Variants in GPR33 observed in about 807,000 individuals in gnomAD.
GPR33 encodes probable G protein-coupled receptor 33.
A neutral mutation model predicts 3.1 loss-of-function variants in GPR33; 4 were observed. The observed-to-expected ratio is 1.29, with a 90% CI of 0.64 to 2.96. The LOEUF (loss-of-function observed/expected upper bound fraction) is 2.96, where lower values mean the gene tolerates loss of function less well. Among genes scored for constraint, GPR33 ranks in the 30% most tolerant of loss-of-function variants. The pLI, the probability that GPR33 is intolerant of heterozygous loss-of-function variation, is 0.01. For synonymous variants in GPR33, 138 were observed against 142.0 expected, an observed-to-expected ratio of 0.97 and a Z score of 0.20; for missense variants, 390 against 388.9, an observed-to-expected ratio of 1.00 and a Z score of -0.02.
Position 31,483,286 on chromosome 14 carries a change from C to T in GPR33, c.680G>A (p.Arg227Lys), listed in dbSNP as rs1486742481. The T allele has an allele frequency of 6.5e-7, 1 of 1,536,150 alleles. No individual in the cohort carries two copies. The highest frequency in any genetic ancestry group is 1.2e-5 in the South Asian group (1 of 84,054). Residue 227 changes from arginine (R) to lysine (K), a missense_variant, in exon 2 of 2, where the codon AGA (arginine) becomes AAA (lysine). Arg to Lys is a conservative substitution (Grantham distance 26, BLOSUM62 2). Transcript: ENST00000399285. The stretch of plus-strand genomic sequence containing the variant: ...CCTCTCTTTCACCTTGCTGGCTACT[C>T]TTTCATAACAAAAGATGATGATGAA... ...PFFIIIFCYERVASKVKERSL... is the reference protein window; with the variant it reads ...PFFIIIFCYEKVASKVKERSL...
rs1375134293 is a variant in GPR33 at position 31,483,629 on chromosome 14, A to G, written c.337T>C (p.Phe113Leu). The change falls in exon 2 of 2, where the codon TTC becomes CTC. Residue 113 changes from phenylalanine to leucine, a missense_variant. Physicochemically the swap from Phe to Leu is conservative, Grantham distance 22. Transcript: ENST00000399285. Reference sequence around the variant, plus strand: ...GCCGAAAGGAAGAAAACAGAGGTGAACATCCCCAGAGACAAAGTGCCATTG... The same window carrying G: ...GCCGAAAGGAAGAAAACAGAGGTGAGCATCCCCAGAGACAAAGTGCCATTG... Reference protein sequence around the residue: ...VFNGTLSLGMFTSVFFLSAIG... With the variant: ...VFNGTLSLGMLTSVFFLSAIG... 8 of 1,536,076 alleles carry G rather than the reference A, an allele frequency of 5.2e-6. No individual in the cohort carries two copies. Among genetic ancestry groups the G allele is most frequent in the Non-Finnish European group, 6.1e-6 (7 of 1,146,932 alleles).
chr14:31,485,502 T>C (rs958396453), intron 1 of GPR33, among the ~76,000 whole-genome samples: 2 of 151,256 alleles, frequency 1.3e-5, no homozygotes, highest in African/African-American at 4.9e-5. Flanking sequence ...GGTGTGGTGG[T>C]GTGTGCTTGT....
chr14:31,484,900 TC>T (rs1221186710), intron 1 of GPR33, among the ~76,000 whole-genome samples: 2 of 152,020 alleles, frequency 1.3e-5, no homozygotes, highest in Non-Finnish European at 2.9e-5. Context: ...ACCTTCAGAA[TC>T]ATCAACAAAA....
rs1277005369 is a variant in GPR33 at position 31,487,904 on chromosome 14, C to T, written c.-14G>A. 6.6e-6 allele frequency: 1 copy of T among 152,216 alleles called. No homozygotes were observed. Among genetic ancestry groups the T allele is most frequent in the African/African-American group, 2.4e-5 (1 of 41,442 alleles). 9.4% of individuals were successfully genotyped at this position (152,216 alleles called of 1,614,324 possible). ...TAGTCCAGAGAATCTTACCTCAGACCTGTATCTTCATGCCAGATTGGTCTT... is the reference window on the plus strand; with the variant it reads ...TAGTCCAGAGAATCTTACCTCAGACTTGTATCTTCATGCCAGATTGGTCTT... On this transcript the variant is annotated 5_prime_UTR_variant, in exon 1 of 2. Coordinates refer to ENST00000399285, the MANE Select transcript of GPR33 (RefSeq NM_001197184.3).
chr14:31,487,439 T>TTTG lies in GPR33; in HGVS notation c.-7+457_-7+458insCAA, dbSNP rs1555375923. On this transcript the variant is annotated intron_variant, in intron 1 of 1. Coordinates refer to ENST00000399285, the MANE Select transcript of GPR33 (RefSeq NM_001197184.3). ...CTCCTGCTAAGCCCCTCAGTTTTTT[T>TTTG]TTTTTTTTTTTTTTTTTTCAGATGG... Among the ~76,000 whole-genome samples the TTTG allele has an allele frequency of 3.3e-4, 43 of 130,154 alleles. No individual in the cohort carries two copies. The East Asian group carries it at 7.5e-3, about 23-fold the overall frequency. The allele number at this position is 130,154 out of a possible 152,430, so 85.4% of individuals were successfully genotyped here.
intron 1 of GPR33, among the ~76,000 whole-genome samples, chr14:31,486,790 T>C (rs1228036968): frequency 1.3e-5 from 2 of 152,340 alleles, no homozygotes; most frequent in Non-Finnish European, 2.9e-5. Flanking sequence ...CTATTTGCTA[T>C]GCTTTGATAT....
Position 31,483,334 on chromosome 14 carries a change from A to C in GPR33, c.632T>G (p.Leu211Trp). The C allele has an allele frequency of 6.5e-7, 1 of 1,536,200 alleles. No individual in the cohort carries two copies. Residue 211 changes from leucine (L) to tryptophan (W), a missense_variant, in exon 2 of 2, where the codon TTG becomes TGG. Coordinates refer to ENST00000399285, the MANE Select transcript of GPR33 (RefSeq NM_001197184.3). ...IHVACFISRF[L>W]LGFLLPFFII... ...GAAGAAAGGCAGAAGAAAGCCCAGCAAGAAGCGGCTGATGAAACAGGCCAC... is the reference window on the plus strand; with the variant it reads ...GAAGAAAGGCAGAAGAAAGCCCAGCCAGAAGCGGCTGATGAAACAGGCCAC...
At chr14:31,484,454 G>C (rs1282587206) in intron 1 of GPR33, among the ~76,000 whole-genome samples, 1 of 151,886 alleles carries the variant, frequency 6.6e-6, no homozygotes, top group Non-Finnish European at 1.5e-5. Context: ...TAATTTTTTT[G>C]TTTGTTTGTT....
intron 1 of GPR33, 59 bp downstream of exon 1, chr14:31,487,838 C>T (rs1032358752): frequency 6.6e-6 from 1 of 152,184 alleles, no homozygotes; most frequent in Non-Finnish European, 1.5e-5. Flanking sequence ...TGCAATAAGC[C>T]TAGAGGGTCA....
chr14:31,484,576 C>A (rs979129259), intron 1 of GPR33, among the ~76,000 whole-genome samples: 1 of 152,118 alleles, frequency 6.6e-6, no homozygotes, highest in Admixed American at 6.6e-5. Context: ...TGAGGCACTG[C>A]GTGTGGCCAA....
intron 1 of GPR33, among the ~76,000 whole-genome samples, chr14:31,487,432 GTTTTTTTTT>G (rs752227440): frequency 5.7e-5 from 4 of 70,380 alleles, no homozygotes; most frequent in East Asian, 4.2e-4. Context: ...AAGCCCCTCA[GTTTTTTTTT>G]TTTTTTTTTT....
chr14:31,487,126 G>T (rs991762145), intron 1 of GPR33, among the ~76,000 whole-genome samples: 1 of 152,096 alleles, frequency 6.6e-6, no homozygotes, highest in Admixed American at 6.6e-5. Context: ...CTGAGCTCTA[G>T]AAGGACATCT....
chr14:31,484,022 G>A (rs1314384445), intron 1 of GPR33, 51 bp from the exon 2 acceptor site: 1 of 1,381,046 alleles, frequency 7.2e-7, no homozygotes, highest in Non-Finnish European at 9.5e-7. Flanking sequence ...CAAAAGAAAA[G>A]GTTAAATGTA....
At chr14:31,484,629 G>C (rs1379398835) in intron 1 of GPR33, among the ~76,000 whole-genome samples, 1 of 152,112 alleles carries the variant, frequency 6.6e-6, no homozygotes, top group African/African-American at 2.4e-5. Flanking sequence ...GACACTTTTT[G>C]ATGGGCAAAA....
At position 31,483,522 on chromosome 14, in the gene GPR33, A is replaced by G; in HGVS notation, c.444T>C (p.Ile148=). 6.5e-7 allele frequency: 1 copy of G among 1,536,168 alleles called. No individual in the cohort carries two copies. The highest frequency in any genetic ancestry group is 8.7e-7 in the Non-Finnish European group (1 of 1,146,920). The change falls in exon 2 of 2, where the codon ATT becomes ATC. Residue 148 remains isoleucine (I), a synonymous_variant. Transcript: ENST00000399285. ...QHRTPRWASS[I]VLGVWISAAA... ...CGGCTGAAATCCAGACTCCCAGGAC[A>G]ATGCTGGAAGCCCAGCGCGGGGTTC...
At chr14:31,485,137 T>C (rs1474151979) in intron 1 of GPR33, among the ~76,000 whole-genome samples, 1 of 151,776 alleles carries the variant, frequency 6.6e-6, no homozygotes, top group Non-Finnish European at 1.5e-5. Flanking sequence ...GGTTTTGCCA[T>C]GTTGGCCAGG....
At chr14:31,487,285 G>C (rs1322949909) in intron 1 of GPR33, among the ~76,000 whole-genome samples, 2 of 152,040 alleles carry the variant, frequency 1.3e-5, no homozygotes, top group East Asian at 3.9e-4. Flanking sequence ...CCTTTAAAAT[G>C]ATGTTAAAGT....
At position 31,483,065 on chromosome 14, in the gene GPR33, A is replaced by ATAAG; in HGVS notation, c.897_900dup (p.Phe301LeufsTer20). ...ACCTTTTTGAAATTCTCCCCAACAAATAAGTAGAGTGTGGGAGAAAAGATA... is the reference window on the plus strand; with the variant it reads ...ACCTTTTTGAAATTCTCCCCAACAAATAAGTAAGTAGAGTGTGGGAGAAAAGATA... On this transcript the variant is annotated frameshift_variant, in exon 2 of 2. Transcript: ENST00000399285. LOFTEE classifies it high-confidence loss of function. The ATAAG allele has an allele frequency of 6.5e-7, 1 of 1,536,058 alleles. No individual in the cohort carries two copies.
chr14:31,484,859 G>C (rs1178983501), intron 1 of GPR33, among the ~76,000 whole-genome samples: 1 of 151,928 alleles, frequency 6.6e-6, no homozygotes, highest in African/African-American at 2.4e-5. Context: ...TATTCATATG[G>C]GAGCTGTAAG....
Sources: allele counts gnomAD v4.1 joint callset (sites outside exome capture counted in the v4.1 genomes callset), GRCh38; gene constraint gnomAD v4.1.1; transcripts MANE v1.5; gene names NCBI Gene and HGNC (gene_info 2026-07-23, HGNC 2026-07-21).